Variants in ESR1 observed in about 807,000 individuals in gnomAD.
ESR1 encodes estrogen receptor 1.
Under a neutral mutation model 52.7 loss-of-function variants are expected in ESR1, and 12 were observed. That is an observed-to-expected ratio of 0.23 (90% CI 0.15 to 0.37). ESR1 has a LOEUF of 0.37. Among genes scored for constraint, ESR1 ranks in the 10% least tolerant of loss-of-function variants. The probability of loss-of-function intolerance (pLI) is 1.00; values close to 1 mark genes in which losing one functional copy is unlikely to be tolerated. For synonymous variants in ESR1, 305 were observed against 316.8 expected, an observed-to-expected ratio of 0.96 and a Z score of 0.39; for missense variants, 584 against 779.7, an observed-to-expected ratio of 0.75 and a Z score of 2.99.
chr6:151,697,656 T>C (rs1779458448), intron 1 of ESR1, among the ~76,000 whole-genome samples: 1 of 152,232 alleles, frequency 6.6e-6, no homozygotes, highest in African/African-American at 2.4e-5. Flanking sequence ...AGGTACTTTA[T>C]GTTGGGTACT....
rs145735801 is a variant in ESR1 at position 152,100,929 on chromosome 6, T to A, written c.*1963T>A. 4.7e-3 allele frequency: 1,077 copies of A among 230,650 alleles called. 1 individual carries two copies. The highest frequency in any genetic ancestry group is 9.0e-3 in the Middle Eastern group (7 of 774). 14.3% of individuals were successfully genotyped at this position (230,650 alleles called of 1,614,324 possible). ...GCACCTTATATAGTATAATATATAT[T>A]TTTTTGAAATTACATTGCTTGTTTA... is the stretch of plus-strand genomic sequence containing the variant. On this transcript the variant is annotated 3_prime_UTR_variant, in exon 8 of 8. Coordinates refer to ENST00000206249, the MANE Select transcript of ESR1 (RefSeq NM_000125.4).
downstream of ESR1, among the ~76,000 whole-genome samples, chr6:152,107,072 A>C (rs555560963): frequency 1.3e-5 from 2 of 152,284 alleles, no homozygotes; most frequent in Admixed American, 6.5e-5. Flanking sequence ...GTTTTGGTGT[A>C]GATCTTTTTG....
intron 3 of ESR1, among the ~76,000 whole-genome samples, chr6:151,925,333 G>A (rs181816766): frequency 1.4e-4 from 22 of 152,248 alleles, no homozygotes; most frequent in Admixed American, 7.2e-4. Flanking sequence ...TGGGCTGGGC[G>A]CAGTGGCTCA....
intron 1 of ESR1, among the ~76,000 whole-genome samples, chr6:151,698,383 A>G (rs996623573): frequency 1.3e-5 from 2 of 152,090 alleles, no homozygotes; most frequent in African/African-American, 4.8e-5. Flanking sequence ...AAAAAAAAAA[A>G]AAAGTGACTT....
chr6:152,121,465 G>T (rs1019558147), intron 6 of ESR1, among the ~76,000 whole-genome samples: 3 of 152,182 alleles, frequency 2.0e-5, no homozygotes, highest in Non-Finnish European at 2.9e-5. Flanking sequence ...GAATTCAGGA[G>T]ATTTGATTGA....
intron 3 of ESR1, among the ~76,000 whole-genome samples, chr6:151,914,851 G>A (rs1486464238): frequency 6.6e-6 from 1 of 152,100 alleles, no homozygotes; most frequent in Non-Finnish European, 1.5e-5. Flanking sequence ...TTGAGTTCAG[G>A]ACACGTACAC....
rs1367040623 is a variant in ESR1, at chr6:152,101,467, T to G, written c.*2501T>G. 1 of 232,694 alleles carries G rather than the reference T, an allele frequency of 4.3e-6. No individual in the cohort carries two copies. Among genetic ancestry groups the G allele is most frequent in the Non-Finnish European group, 8.5e-6 (1 of 117,736 alleles). The allele number at this position is 232,694 out of a possible 1,614,324, so 14.4% of individuals were successfully genotyped here. On this transcript the variant is annotated 3_prime_UTR_variant, in exon 8 of 8. Transcript: ENST00000206249. Reference sequence around the variant, plus strand: ...AAGGTTTTACATTATTCATCCAATGTGTTTCTATTCATGTTAAGATACTAC... The same window carrying G: ...AAGGTTTTACATTATTCATCCAATGGGTTTCTATTCATGTTAAGATACTAC...
chr6:151,685,253 C>G (rs1778618157), intron 1 of ESR1, among the ~76,000 whole-genome samples: 1 of 150,830 alleles, frequency 6.6e-6, no homozygotes, highest in South Asian at 2.1e-4. Context: ...CCTGCCTCAG[C>G]CTCCCGAGTA....
At chr6:151,727,636 C>T (rs890527629) in intron 2 of ESR1, among the ~76,000 whole-genome samples, 20 of 152,108 alleles carry the variant, frequency 1.3e-4, no homozygotes, top group South Asian at 2.1e-4. Context: ...GCAACTGATA[C>T]GGTTTGTCTA....
At chr6:151,915,955 G>A (rs936956074) in intron 3 of ESR1, among the ~76,000 whole-genome samples, 1 of 152,066 alleles carries the variant, frequency 6.6e-6, no homozygotes, top group African/African-American at 2.4e-5. Context: ...TTTAGCATTT[G>A]ACATTTGATA....
intron 2 of ESR1, among the ~76,000 whole-genome samples, chr6:151,706,956 T>C (rs1056779282): frequency 1.3e-5 from 2 of 152,210 alleles, no homozygotes; most frequent in Non-Finnish European, 1.5e-5. Context: ...CCAGGGTTTA[T>C]ATGACACTGG....
intron 5 of ESR1, among the ~76,000 whole-genome samples, chr6:152,030,717 T>C (rs920796024): frequency 2.6e-5 from 4 of 152,100 alleles, no homozygotes; most frequent in African/African-American, 7.2e-5. Flanking sequence ...CTGTCAACAT[T>C]AGACAGATCA....
chr6:151,745,104 C>T (rs1783389191), intron 2 of ESR1, among the ~76,000 whole-genome samples: 2 of 152,168 alleles, frequency 1.3e-5, no homozygotes. Context: ...ATGATTATGT[C>T]CTTTCCTTAA....
At chr6:151,933,067 T>C (rs1308824389) in intron 3 of ESR1, among the ~76,000 whole-genome samples, 1 of 152,008 alleles carries the variant, frequency 6.6e-6, no homozygotes, top group Non-Finnish European at 1.5e-5. Context: ...TTCACGATAT[T>C]GATTCTTCCT....
chr6:152,049,082 C>A (rs1189201639), intron 5 of ESR1, among the ~76,000 whole-genome samples: 1 of 152,194 alleles, frequency 6.6e-6, no homozygotes, highest in Non-Finnish European at 1.5e-5. Context: ...ACAACCATTA[C>A]AGAATTTTCC....
chr6:151,677,772 G>A (rs928271162), intron 1 of ESR1, among the ~76,000 whole-genome samples: 16 of 152,030 alleles, frequency 1.1e-4, no homozygotes, highest in African/African-American at 3.9e-4. Context: ...TGCCCACATT[G>A]TCAATAATAG....
At chr6:151,843,910 C>CT (rs397885637) in intron 2 of ESR1, among the ~76,000 whole-genome samples, 211 of 137,594 alleles carry the variant, frequency 1.5e-3, no homozygotes, top group Middle Eastern at 0.012. Context: ...GCCAGTGGGA[C>CT]TTTTTTTTTT....
intron 2 of ESR1, among the ~76,000 whole-genome samples, chr6:151,726,840 G>A (rs933548432): frequency 3.9e-5 from 6 of 152,040 alleles, no homozygotes; most frequent in Admixed American, 1.3e-4. Flanking sequence ...TCCTAGCTCC[G>A]TAACTTTATT....
intron 2 of ESR1, among the ~76,000 whole-genome samples, chr6:151,859,144 C>A (rs1419249828): frequency 6.6e-6 from 1 of 152,080 alleles, no homozygotes; most frequent in Admixed American, 6.6e-5. Flanking sequence ...TTATTTTTTT[C>A]ATGTCTTGTA....
Sources: gnomAD v4.1 joint callset for allele counts (sites outside exome capture counted in the v4.1 genomes callset) on GRCh38, gnomAD v4.1.1 for gene constraint, MANE v1.5 for transcripts, NCBI Gene and HGNC (gene_info 2026-07-23, HGNC 2026-07-21) for gene names.